SCN8A: variants seen among roughly 807,000 people sequenced by gnomAD.
SCN8A encodes the protein sodium channel protein type 8 subunit alpha.
In SCN8A, 30 loss-of-function variants were observed where a neutral mutation model predicts 184.1. That is an observed-to-expected ratio of 0.16 (90% CI 0.12 to 0.22). SCN8A has a LOEUF of 0.22. Among genes scored for constraint, SCN8A ranks in the 10% least tolerant of loss-of-function variants. The pLI, the probability that SCN8A is intolerant of heterozygous loss-of-function variation, is 1.00. For synonymous variants in SCN8A, 852 were observed against 907.0 expected (o/e 0.94, Z 1.09); for missense variants, 1,057 against 2,498.9 (o/e 0.42, Z 12.30).
At chr12:51,721,372 G>T (rs1442977937) in intron 11 of SCN8A, among the ~76,000 whole-genome samples, 174 bp from the exon 12 acceptor site, 3 of 151,972 alleles carry the variant, frequency 2.0e-5, no homozygotes, top group Non-Finnish European at 4.4e-5. Flanking sequence ...AGTAACAATG[G>T]GTGATGAACT....
At chr12:51,733,105 G>C (rs891881996) in intron 12 of SCN8A, among the ~76,000 whole-genome samples, 2 of 152,130 alleles carry the variant, frequency 1.3e-5, no homozygotes, top group African/African-American at 4.8e-5. Context: ...AGTAACAGTG[G>C]TGAAAGTGAG....
chr12:51,763,443 A>G (rs1942792192), intron 15 of SCN8A, among the ~76,000 whole-genome samples: 1 of 152,218 alleles, frequency 6.6e-6, no homozygotes, highest in South Asian at 2.1e-4. Context: ...TAGGTTACGT[A>G]TATTAAATGC....
intron 1 of SCN8A, among the ~76,000 whole-genome samples, chr12:51,601,230 A>C (rs1472467948): frequency 7.2e-5 from 11 of 152,226 alleles, no homozygotes; most frequent in Admixed American, 7.2e-4. Flanking sequence ...GTTCTCATGC[A>C]AGTAATATTT....
intron 12 of SCN8A, among the ~76,000 whole-genome samples, chr12:51,734,698 G>T (rs1475915301): frequency 6.6e-6 from 1 of 152,218 alleles, no homozygotes; most frequent in African/African-American, 2.4e-5. Context: ...ATTTTGGGGG[G>T]CTTGCTCCCA....
intron 2 of SCN8A, among the ~76,000 whole-genome samples, chr12:51,681,868 A>C (rs1463523471): frequency 1.3e-5 from 2 of 152,148 alleles, no homozygotes; most frequent in African/African-American, 4.8e-5. Flanking sequence ...ACATAGGCTG[A>C]TCATTATTTT....
chr12:51,686,686 G>A (rs1035095510), intron 4 of SCN8A, among the ~76,000 whole-genome samples: 7 of 152,072 alleles, frequency 4.6e-5, no homozygotes, highest in African/African-American at 1.2e-4. Flanking sequence ...AGGCAGTGCC[G>A]TTGCCCTGCA....
chr12:51,713,297 C>T (rs770496852), intron 11 of SCN8A: 10 of 1,113,306 alleles, frequency 9.0e-6, no homozygotes, highest in Non-Finnish European at 1.2e-5. Context: ...GGTTCCACTA[C>T]ATGCCCATCA....
intron 2 of SCN8A, among the ~76,000 whole-genome samples, chr12:51,676,383 A>G (rs1947892481): frequency 6.6e-6 from 1 of 152,198 alleles, no homozygotes; most frequent in African/African-American, 2.4e-5. Flanking sequence ...ATAACAGGTC[A>G]TTTGTTTCTG....
At chr12:51,666,888 G>A (rs188432802) in intron 2 of SCN8A, among the ~76,000 whole-genome samples, 1 of 152,090 alleles carries the variant, frequency 6.6e-6, no homozygotes, top group African/African-American at 2.4e-5. Context: ...TCCTTGTTGG[G>A]TTTCACACTG....
chr12:51,717,901 G>A (rs1941991735), intron 11 of SCN8A, among the ~76,000 whole-genome samples: 1 of 152,174 alleles, frequency 6.6e-6, no homozygotes, highest in South Asian at 2.1e-4. Context: ...TTTTCTTGAT[G>A]TGGTCCCCAG....
chr12:51,704,798 C>T (rs1428409311), intron 9 of SCN8A, among the ~76,000 whole-genome samples: 1 of 150,966 alleles, frequency 6.6e-6, no homozygotes, highest in East Asian at 2.0e-4. Context: ...CATAGTGAAA[C>T]CCCGTCTCTA....
intron 21 of SCN8A, among the ~76,000 whole-genome samples, chr12:51,786,191 C>T (rs149703533): frequency 1.3e-5 from 2 of 152,250 alleles, no homozygotes; most frequent in East Asian, 3.9e-4. Context: ...CTGAAAGTTA[C>T]TCATATTTTC....
At position 51,706,321 on chromosome 12, in the gene SCN8A, C is replaced by T. The variant is rs1941782229; in HGVS notation, c.1342-101C>T. ...AGGTTTCCTGCCTCCTTTTTTCCTC[C>T]TTTCCCTTCAGTAGGGAAATGTTCT... is the stretch of plus-strand genomic sequence containing the variant. On this transcript the variant is annotated intron_variant, in intron 10 of 26. Transcript: ENST00000627620. 4.2e-6 allele frequency: 5 copies of T among 1,181,708 alleles called. No homozygotes were observed. In the African/African-American group the frequency reaches 4.6e-5, roughly 11 times the overall value. 73.2% of individuals were successfully genotyped at this position (1,181,708 alleles called of 1,614,324 possible). A position where few individuals can be genotyped will look rare whatever the true frequency, so the allele number is the denominator to read the frequency against.
chr12:51,634,656 A>AT (rs10639290), intron 1 of SCN8A, among the ~76,000 whole-genome samples: 1,768 of 136,590 alleles, frequency 0.013, 51 homozygotes, highest in African/African-American at 0.042. Context: ...TATTATTATT[A>AT]TTTTTTTTTT....
At chr12:51,800,798 G>A (rs564112791) in intron 26 of SCN8A, among the ~76,000 whole-genome samples, 1 of 152,308 alleles carries the variant, frequency 6.6e-6, no homozygotes, top group South Asian at 2.1e-4. Context: ...GTGTCCAGTA[G>A]TCCCCGAAAG....
chr12:51,789,459 C>G (rs754232185), intron 24 of SCN8A, 41 bp downstream of exon 24: 1 of 1,606,234 alleles, frequency 6.2e-7, no homozygotes, highest in Admixed American at 1.7e-5. Flanking sequence ...GGAAGTCAGC[C>G]CAGATAAGAG....
chr12:51,788,679 T>C lies in SCN8A; in HGVS notation c.4228-16T>C. On this transcript the variant is annotated splice_polypyrimidine_tract_variant and intron_variant, in intron 22 of 26. Transcript: ENST00000627620. ...CCCTTTATAGGCACCGTCTAATGAC[T>C]GACTCTGTTTGCCAGGCAACCTTCA... 6.2e-7 allele frequency: 1 copy of C among 1,604,406 alleles called. No individual in the cohort carries two copies. Among genetic ancestry groups the C allele is most frequent in the South Asian group, 1.1e-5 (1 of 89,068 alleles).
chr12:51,593,497 T>C (rs1239484611), intron 1 of SCN8A, among the ~76,000 whole-genome samples: 4 of 152,234 alleles, frequency 2.6e-5, no homozygotes, highest in Non-Finnish European at 5.9e-5. Flanking sequence ...AGTGGAATAC[T>C]GCATCCTTAA....
chr12:51,606,000 T>G (rs1939583492), intron 1 of SCN8A, among the ~76,000 whole-genome samples: 1 of 152,230 alleles, frequency 6.6e-6, no homozygotes, highest in Admixed American at 6.5e-5. Context: ...TTATTAGTCC[T>G]TTTTCAGATA....
Sources: gnomAD v4.1 joint callset for allele counts (sites outside exome capture counted in the v4.1 genomes callset) on GRCh38, gnomAD v4.1.1 for gene constraint, MANE v1.5 for transcripts, NCBI Gene and HGNC (gene_info 2026-07-23, HGNC 2026-07-21) for gene names.